TMEM131: variants seen among roughly 807,000 people sequenced by gnomAD.
The protein encoded by TMEM131 is 2610524E03Rik.
TMEM131 carries 66 observed loss-of-function variants against 211.6 expected under a neutral mutation model. That is an observed-to-expected ratio of 0.31 (90% CI 0.26 to 0.38). TMEM131 has a LOEUF of 0.38. TMEM131 is among the 10% of genes least tolerant of loss of function. The pLI is 1.00. For missense variants in TMEM131, 2,036 were observed against 2,299.3 expected, an observed-to-expected ratio of 0.89 and a Z score of 2.34; for synonymous variants, 844 against 841.3, an observed-to-expected ratio of 1.00 and a Z score of -0.06.
At chr2:97,797,315 C>G (rs1680815386) in intron 26 of TMEM131, 50 bp downstream of exon 26, 1 of 1,493,490 alleles carries the variant, frequency 6.7e-7, no homozygotes, top group Non-Finnish European at 9.0e-7. Flanking sequence ...CAAGTGAGGA[C>G]TTCTAAGTAA....
chr2:97,965,448 C>T (rs746279789), intron 1 of TMEM131, among the ~76,000 whole-genome samples: 8 of 152,222 alleles, frequency 5.3e-5, no homozygotes, highest in Middle Eastern at 3.2e-3. Flanking sequence ...CTTTCTAACT[C>T]CTTTGTCTCC....
chr2:97,782,617 G>C (rs554103689), intron 31 of TMEM131, among the ~76,000 whole-genome samples: 4 of 152,018 alleles, frequency 2.6e-5, no homozygotes, highest in Admixed American at 2.0e-4. Flanking sequence ...TGAAACAACT[G>C]AAAAAACAGC....
At chr2:97,774,712 T>C (rs1679632670) in intron 32 of TMEM131, among the ~76,000 whole-genome samples, 1 of 152,108 alleles carries the variant, frequency 6.6e-6, no homozygotes, top group South Asian at 2.1e-4. Flanking sequence ...GGAAGGGAAG[T>C]GGGAGAAAGT....
intron 3 of TMEM131, among the ~76,000 whole-genome samples, chr2:97,891,427 G>A (rs1315477993): frequency 6.6e-6 from 1 of 152,134 alleles, no homozygotes; most frequent in Non-Finnish European, 1.5e-5. Flanking sequence ...GAGACATTAT[G>A]ATAGCATATT....
chr2:97,934,761 C>T (rs183400964), intron 1 of TMEM131, among the ~76,000 whole-genome samples: 1 of 152,146 alleles, frequency 6.6e-6, no homozygotes, highest in African/African-American at 2.4e-5. Context: ...ATTGGAAGAA[C>T]AGCTTTTCCA....
chr2:97,809,855 T>A, intron 18 of TMEM131, 81 bp from the exon 19 acceptor site: 1 of 1,157,456 alleles, frequency 8.6e-7, no homozygotes. Flanking sequence ...TATTTTGGGG[T>A]TAACCTAATT....
rs1344312855 is a variant in TMEM131 at position 97,805,140 on chromosome 2, G to A, written c.2350C>T (p.His784Tyr). The A allele has an allele frequency of 1.2e-6, 2 of 1,613,738 alleles. No homozygotes were observed. Among genetic ancestry groups the A allele is most frequent in the East Asian group, 2.2e-5 (1 of 44,890 alleles). ...GTCCATCCCTTGAACAGGCTTTGATGCAAATCCCAGTCAGCATCCCACATA... is the reference window on the plus strand; with the variant it reads ...GTCCATCCCTTGAACAGGCTTTGATACAAATCCCAGTCAGCATCCCACATA... ...EDMWDADWDL[H>Y]QSLFKGWTGI... Residue 784 changes from histidine (H) to tyrosine (Y), a missense_variant, in exon 22 of 41, where the codon CAT (histidine) becomes TAT (tyrosine). Coordinates refer to ENST00000186436, the MANE Select transcript of TMEM131 (RefSeq NM_015348.2).
In TMEM131 at chr2:97,788,923, C is replaced by T. The variant is rs183983658; in HGVS notation, c.4144+3463G>A. Among the ~76,000 whole-genome samples, 197 of 152,272 alleles carry T rather than the reference C, an allele frequency of 1.3e-3. 5 individuals carry two copies. The highest frequency in any genetic ancestry group is 0.011 in the Admixed American group (175 of 15,300). ...AAATATTGCCTTCTTGGTTGTAACT[C>T]TCTATATTTTTTAAAAACCTACCAT... On this transcript the variant is annotated intron_variant, in intron 31 of 40. Transcript: ENST00000186436.
rs532589661 is a variant in TMEM131, at chr2:97,963,024, T to C, written c.187+32452A>G. 1.1e-4 allele frequency among the ~76,000 whole-genome samples: 16 copies of C among 152,340 alleles called. No individual in the cohort carries two copies. In the South Asian group the frequency reaches 1.7e-3, roughly 16 times the overall value. On this transcript the variant is annotated intron_variant, in intron 1 of 40. Transcript: ENST00000186436. The stretch of plus-strand genomic sequence containing the variant: ...ACCAGTGATGAGGAAAAGGCACTGA[T>C]TGCTAACAGGCACAGGGGAACTTTC...
Position 97,802,790 on chromosome 2 carries a change from T to C in TMEM131, c.2403A>G (p.Arg801=). 4 of 1,541,018 alleles carry C rather than the reference T, an allele frequency of 2.6e-6. 1 individual carries two copies. The highest frequency in any genetic ancestry group is 8.7e-7 in the Non-Finnish European group (1 of 1,148,060). ...TATTTACTTCAAATATAGCACTCAA[T>C]CTAGAAAAACAATTTGTAAGTCACT... ...WTGIKENSGH[R]LSAIFEVNTD... is the part of the protein sequence containing the mutation. The change falls in exon 23 of 41, where the codon AGA becomes AGG. Residue 801 remains arginine, a splice_region_variant and synonymous_variant. Coordinates refer to ENST00000186436, the MANE Select transcript of TMEM131 (RefSeq NM_015348.2).
At chr2:97,945,754 A>C (rs1316821281) in intron 1 of TMEM131, among the ~76,000 whole-genome samples, 2 of 152,144 alleles carry the variant, frequency 1.3e-5, no homozygotes. Flanking sequence ...TTTCATTCTT[A>C]AAAATTTTCT....
chr2:97,861,451 C>T (rs1289962205), intron 4 of TMEM131, among the ~76,000 whole-genome samples: 1 of 151,684 alleles, frequency 6.6e-6, no homozygotes, highest in Non-Finnish European at 1.5e-5. Flanking sequence ...TCAGCCACAG[C>T]AGGATAGGGC....
In TMEM131 at chr2:97,902,495, T is replaced by A. The variant is rs78307564; in HGVS notation, c.290+6163A>T. Among the ~76,000 whole-genome samples, 486 of 152,292 alleles carry A rather than the reference T, an allele frequency of 3.2e-3. 7 individuals are homozygous for A. In the East Asian group the frequency reaches 0.04, roughly 13 times the overall value. On this transcript the variant is annotated intron_variant, in intron 3 of 40. Coordinates refer to ENST00000186436, the MANE Select transcript of TMEM131 (RefSeq NM_015348.2). The stretch of plus-strand genomic sequence containing the variant: ...TTGGAGGCATCAGTAACTCACGGTT[T>A]TTAATATACACAGATACAAGAATAG...
At chr2:97,893,714 C>A (rs1359480033) in intron 3 of TMEM131, among the ~76,000 whole-genome samples, 1 of 151,636 alleles carries the variant, frequency 6.6e-6, no homozygotes, top group East Asian at 1.9e-4. Context: ...CTGTTCATAT[C>A]CTTCACCCAC....
At chr2:97,801,715 T>G (rs535406248) in intron 25 of TMEM131, among the ~76,000 whole-genome samples, 180 bp downstream of exon 25, 1 of 152,330 alleles carries the variant, frequency 6.6e-6, no homozygotes, top group African/African-American at 2.4e-5. Context: ...CACCTTGATC[T>G]AAATCCCACC....
At chr2:97,848,606 G>C (rs1683556684) in intron 5 of TMEM131, among the ~76,000 whole-genome samples, 1 of 151,950 alleles carries the variant, frequency 6.6e-6, no homozygotes, top group African/African-American at 2.4e-5. Flanking sequence ...GAAAAGTCTT[G>C]TTCAGTACAG....
At chr2:97,820,518 C>T (rs1483018261) in intron 11 of TMEM131, among the ~76,000 whole-genome samples, 1 of 152,138 alleles carries the variant, frequency 6.6e-6, no homozygotes, top group East Asian at 1.9e-4. Flanking sequence ...GAGATGTGAG[C>T]TTGAGTCAGC....
intron 5 of TMEM131, among the ~76,000 whole-genome samples, chr2:97,855,262 G>C (rs1218636316): frequency 2.0e-5 from 3 of 152,168 alleles, no homozygotes; most frequent in Non-Finnish European, 4.4e-5. Context: ...GTGCAAAGAT[G>C]ACTGAATAAA....
intron 2 of TMEM131, among the ~76,000 whole-genome samples, chr2:97,914,251 T>C (rs912202457): frequency 2.0e-5 from 3 of 152,184 alleles, no homozygotes; most frequent in Non-Finnish European, 2.9e-5. Flanking sequence ...TCACATGCAG[T>C]TGCAAGAAAT....
Sources: gnomAD v4.1 joint callset for allele counts (sites outside exome capture counted in the v4.1 genomes callset) on GRCh38, gnomAD v4.1.1 for gene constraint, MANE v1.5 for transcripts, NCBI Gene and HGNC (gene_info 2026-07-23, HGNC 2026-07-21) for gene names.